Variants in NTN4 observed in about 807,000 individuals in gnomAD.
NTN4 encodes the protein netrin-4.
Under a neutral mutation model 73.6 loss-of-function variants are expected in NTN4, and 32 were observed. The ratio of observed to expected loss-of-function variants is 0.44; its 90% confidence interval spans 0.33 to 0.58. The LOEUF (loss-of-function observed/expected upper bound fraction) is 0.58. NTN4 is among the 20% of genes least tolerant of loss of function. The pLI is 0.04. For synonymous variants in NTN4, 258 were observed against 287.5 expected (o/e 0.90, Z 1.04); for missense variants, 654 against 798.3 (o/e 0.82, Z 2.18).
intron 3 of NTN4, among the ~76,000 whole-genome samples, chr12:95,727,564 A>G (rs557487217): frequency 3.9e-5 from 6 of 152,284 alleles, no homozygotes; most frequent in African/African-American, 9.6e-5. Context: ...TTTTAGCTCT[A>G]TATTTAGGTT....
chr12:95,744,184 G>A (rs1489272653), intron 2 of NTN4, among the ~76,000 whole-genome samples: 2 of 152,034 alleles, frequency 1.3e-5, no homozygotes, highest in Non-Finnish European at 2.9e-5. Flanking sequence ...TTACAGGCCT[G>A]AGCCACCGTG....
At chr12:95,682,879 GA>G in intron 6 of NTN4, 57 bp from the exon 7 acceptor site, 1 of 988,558 alleles carries the variant, frequency 1.0e-6, no homozygotes. Flanking sequence ...AACTTGTATA[GA>G]AATGAATCTA....
At chr12:95,767,768 T>C (rs2079030018) in intron 2 of NTN4, among the ~76,000 whole-genome samples, 1 of 152,004 alleles carries the variant, frequency 6.6e-6, no homozygotes, top group South Asian at 2.1e-4. Context: ...TGCACTGTTT[T>C]CCAGGAGGTG....
chr12:95,670,229 T>A (rs2078217199), intron 7 of NTN4, 83 bp from the exon 8 acceptor site: 2 of 740,888 alleles, frequency 2.7e-6, no homozygotes, highest in Non-Finnish European at 4.5e-6. Context: ...TGTATCCAGA[T>A]AACACATCCC....
rs1025947317 is a variant in NTN4, at chr12:95,732,228, TTCTTTCTTTCTCTG to T, written c.864+5624_864+5637del. 9.9e-4 allele frequency among the ~76,000 whole-genome samples: 135 copies of T among 136,682 alleles called. No individual in the cohort carries two copies. In the South Asian group the frequency reaches 0.017, roughly 17 times the overall value. 89.7% of individuals were successfully genotyped at this position (136,682 alleles called of 152,430 possible). On this transcript the variant is annotated intron_variant, in intron 3 of 9. Coordinates refer to ENST00000343702, the MANE Select transcript of NTN4 (RefSeq NM_021229.4). ...CTTTCTTTTCTCTCCCTTTCTCTCTTTCTTTCTTTCTCTGTCTTTCTTTCTTTCTCTCCTTTCTT... is the reference window on the plus strand; with the variant it reads ...CTTTCTTTTCTCTCCCTTTCTCTCTTTCTTTCTTTCTTTCTCTCCTTTCTT...
intron 6 of NTN4, 28 bp from the exon 7 acceptor site, chr12:95,682,850 G>A (rs368396005): frequency 8.7e-6 from 12 of 1,381,842 alleles, no homozygotes; most frequent in Middle Eastern, 1.8e-4. Flanking sequence ...GATAAAGAAC[G>A]TATTCAGGAA....
intron 1 of NTN4, among the ~76,000 whole-genome samples, 197 bp from the exon 2 acceptor site, chr12:95,787,665 C>T (rs1024268426): frequency 1.4e-5 from 2 of 142,966 alleles, no homozygotes; most frequent in African/African-American, 2.5e-5. Context: ...TTCGTGTATG[C>T]GTGTGTGTGT....
At chr12:95,672,936 G>C (rs1416789346) in intron 7 of NTN4, 3 of 1,125,480 alleles carry the variant, frequency 2.7e-6, no homozygotes, top group Non-Finnish European at 4.1e-6. Context: ...TGAACCTGCT[G>C]ACTGGTATTC....
chr12:95,705,784 A>T (rs139581765), intron 5 of NTN4, among the ~76,000 whole-genome samples: 1 of 152,302 alleles, frequency 6.6e-6, no homozygotes, highest in Non-Finnish European at 1.5e-5. Flanking sequence ...GTGTATGTAT[A>T]CATTACAGAT....
chr12:95,683,378 A>G, intron 6 of NTN4, 120 bp downstream of exon 6: 1 of 954,326 alleles, frequency 1.0e-6, no homozygotes, highest in Admixed American at 2.5e-5. Context: ...AAATTCTTTA[A>G]AAGAGATGTG....
intron 2 of NTN4, among the ~76,000 whole-genome samples, chr12:95,783,981 T>C (rs7298676): frequency 0.18 from 26,806 of 152,152 alleles, 2,531 homozygotes; most frequent in African/African-American, 0.21. Flanking sequence ...TGAATGAACA[T>C]TGGAAACAAA....
intron 2 of NTN4, among the ~76,000 whole-genome samples, chr12:95,785,270 G>A (rs2121304557): frequency 6.6e-6 from 1 of 152,330 alleles, no homozygotes; most frequent in Admixed American, 6.5e-5. Flanking sequence ...GAGATGTAAG[G>A]AGCCAATATG....
intron 3 of NTN4, among the ~76,000 whole-genome samples, chr12:95,732,536 T>C (rs971841589): frequency 1.3e-5 from 2 of 151,848 alleles, no homozygotes; most frequent in African/African-American, 4.8e-5. Context: ...CCGGAGTATC[T>C]GGGACTATAG....
chr12:95,777,115 A>C (rs1376765169), intron 2 of NTN4, among the ~76,000 whole-genome samples: 2 of 152,236 alleles, frequency 1.3e-5, no homozygotes, highest in South Asian at 2.1e-4. Flanking sequence ...AAATGCTGAG[A>C]GATTTTGTCA....
At chr12:95,675,084 A>G (rs1235578613) in intron 7 of NTN4, among the ~76,000 whole-genome samples, 2 of 152,238 alleles carry the variant, frequency 1.3e-5, no homozygotes, top group East Asian at 1.9e-4. Flanking sequence ...AGTTAAAATC[A>G]TAAAATTCCA....
chr12:95,732,931 T>G (rs1486823884), intron 3 of NTN4, among the ~76,000 whole-genome samples: 5 of 152,204 alleles, frequency 3.3e-5, no homozygotes, highest in Admixed American at 3.3e-4. Context: ...TACAGCTAGG[T>G]AGCTAAGGAA....
chr12:95,670,223 T>C (rs3829304), intron 7 of NTN4, 77 bp from the exon 8 acceptor site: 4 of 793,002 alleles, frequency 5.0e-6, no homozygotes, highest in Non-Finnish European at 8.3e-6. Context: ...AGCAAGTGTA[T>C]CCAGATAACA....
intron 5 of NTN4, among the ~76,000 whole-genome samples, chr12:95,690,740 A>G (rs2078395873): frequency 6.6e-6 from 1 of 152,126 alleles, no homozygotes; most frequent in Admixed American, 6.6e-5. Context: ...GACGAAACCT[A>G]TAGTTACTAT....
intron 2 of NTN4, among the ~76,000 whole-genome samples, chr12:95,755,657 C>T (rs1014606723): frequency 6.6e-6 from 1 of 152,168 alleles, no homozygotes; most frequent in Non-Finnish European, 1.5e-5. Context: ...CCTAATAAAG[C>T]TCTCAATGGA....
Sources: gnomAD v4.1 joint callset for allele counts (sites outside exome capture counted in the v4.1 genomes callset) on GRCh38, gnomAD v4.1.1 for gene constraint, MANE v1.5 for transcripts, NCBI Gene and HGNC (gene_info 2026-07-23, HGNC 2026-07-21) for gene names.